MERTK: variants seen among roughly 807,000 people sequenced by gnomAD.
MERTK encodes tyrosine-protein kinase Mer.
MERTK carries 69 observed loss-of-function variants against 99.3 expected under a neutral mutation model. The ratio of observed to expected loss-of-function variants is 0.70; its 90% CI spans 0.57 to 0.85. The LOEUF is 0.85. Ranked by LOEUF, MERTK falls within the 40% of genes least tolerant of loss-of-function variation. The pLI, the probability that MERTK is intolerant of heterozygous loss-of-function variation, is 0.00. For synonymous variants in MERTK, 426 were observed against 467.6 expected, an observed-to-expected ratio of 0.91 and a Z score of 1.15; for missense variants, 1,125 against 1,249.4, an observed-to-expected ratio of 0.90 and a Z score of 1.50.
At chr2:112,025,350 G>A (rs547011305) in intron 18 of MERTK, among the ~76,000 whole-genome samples, 5 of 152,210 alleles carry the variant, frequency 3.3e-5, no homozygotes, top group Middle Eastern at 3.4e-3. Context: ...CCACCCTCGC[G>A]CTTCACACAC....
intron 1 of MERTK, among the ~76,000 whole-genome samples, chr2:111,901,421 C>G (rs536933575): frequency 6.6e-6 from 1 of 152,124 alleles, no homozygotes; most frequent in South Asian, 2.1e-4. Context: ...TTAAGTTGTT[C>G]TGTTGCTTGT....
At chr2:112,009,040 A>T (rs77978733) in intron 14 of MERTK, among the ~76,000 whole-genome samples, 177 of 152,332 alleles carry the variant, frequency 1.2e-3, no homozygotes, top group African/African-American at 3.6e-3. Context: ...TATGGAGTGG[A>T]TGCTGTGTAA....
chr2:111,933,463 G>A (rs1684709710), intron 2 of MERTK, among the ~76,000 whole-genome samples: 1 of 152,132 alleles, frequency 6.6e-6, no homozygotes, highest in South Asian at 2.1e-4. Context: ...AATCACTAGG[G>A]GCAGAGAACA....
At position 111,906,359 on chromosome 2, in the gene MERTK, G is replaced by A. The variant is rs191200945; in HGVS notation, c.61+7563G>A. 6.1e-4 allele frequency among the ~76,000 whole-genome samples: 93 copies of A among 152,324 alleles called. 1 individual carries two copies. Among genetic ancestry groups the A allele is most frequent in the African/African-American group, 2.1e-3 (88 of 41,580 alleles). On this transcript the variant is annotated intron_variant, in intron 1 of 18. Coordinates refer to ENST00000295408, the MANE Select transcript of MERTK (RefSeq NM_006343.3). ...AAAGAAAAGCCTTGTTTATTTTGGA[G>A]AAGGAATTGTTTTGTTATTTTAAGC...
chr2:111,971,006 T>C (rs1676109600), intron 6 of MERTK, among the ~76,000 whole-genome samples: 1 of 152,160 alleles, frequency 6.6e-6, no homozygotes, highest in African/African-American at 2.4e-5. Context: ...TTGGTATGAG[T>C]CTATTCAGAT....
At chr2:112,009,485 A>G (rs1183148876) in intron 14 of MERTK, among the ~76,000 whole-genome samples, 1 of 152,188 alleles carries the variant, frequency 6.6e-6, no homozygotes, top group Non-Finnish European at 1.5e-5. Context: ...TTTGCAGTGG[A>G]CTTCTTCACG....
intron 4 of MERTK, among the ~76,000 whole-genome samples, chr2:111,964,603 A>G (rs560118470): frequency 2.6e-5 from 4 of 152,236 alleles, no homozygotes; most frequent in Non-Finnish European, 4.4e-5. Context: ...TCAATTTTTT[A>G]AAGATGTCTT....
chr2:112,011,863 T>A (rs1241303703), intron 15 of MERTK, among the ~76,000 whole-genome samples: 2 of 152,292 alleles, frequency 1.3e-5, no homozygotes, highest in South Asian at 2.1e-4. Context: ...ATGACAGATG[T>A]GGTTCCTGCC....
intron 4 of MERTK, among the ~76,000 whole-genome samples, chr2:111,961,590 TA>T (rs1304549049): frequency 1.3e-5 from 2 of 152,196 alleles, no homozygotes; most frequent in East Asian, 3.8e-4. Context: ...AATACCATGT[TA>T]TTTTTGAAGA....
chr2:111,911,199 C>T (rs1453035592), intron 1 of MERTK, among the ~76,000 whole-genome samples: 5 of 152,078 alleles, frequency 3.3e-5, no homozygotes, highest in Non-Finnish European at 7.3e-5. Flanking sequence ...CTAGCAGCAG[C>T]TTACCACATA....
At chr2:111,937,953 C>A (rs1684792792) in intron 2 of MERTK, among the ~76,000 whole-genome samples, 1 of 152,098 alleles carries the variant, frequency 6.6e-6, no homozygotes, top group African/African-American at 2.4e-5. Flanking sequence ...CCCATTTCAA[C>A]CCATTTTGAG....
chr2:111,992,532 C>T (rs1435167009), intron 8 of MERTK, among the ~76,000 whole-genome samples: 4 of 152,044 alleles, frequency 2.6e-5, no homozygotes, highest in Admixed American at 6.5e-5. Context: ...GCAGGTGGAT[C>T]GCCAGGTCAA....
intron 18 of MERTK, among the ~76,000 whole-genome samples, chr2:112,027,178 C>T (rs192819291): frequency 0.016 from 2,394 of 147,940 alleles, 37 homozygotes; most frequent in Middle Eastern, 0.042. Context: ...TATATATATA[C>T]ACACACACAC....
chr2:111,987,166 C>T (rs1329476336), intron 8 of MERTK, among the ~76,000 whole-genome samples: 1 of 152,180 alleles, frequency 6.6e-6, no homozygotes, highest in African/African-American at 2.4e-5. Flanking sequence ...CTCATTATAA[C>T]TGTAATTAAG....
At chr2:111,952,304 A>G (rs1014308527) in intron 4 of MERTK, 1 of 156,298 alleles carries the variant, frequency 6.4e-6, no homozygotes, top group South Asian at 2.0e-4. Context: ...CATTGGAATT[A>G]CATGATGATC....
intron 8 of MERTK, among the ~76,000 whole-genome samples, chr2:111,993,867 A>G (rs1676680784): frequency 1.3e-5 from 2 of 152,158 alleles, no homozygotes; most frequent in South Asian, 4.1e-4. Flanking sequence ...TGGCAGGTGG[A>G]CAATGTCAAG....
chr2:111,937,425 G>A (rs907757277), intron 2 of MERTK, among the ~76,000 whole-genome samples: 17 of 152,100 alleles, frequency 1.1e-4, no homozygotes, highest in African/African-American at 3.6e-4. Context: ...CCTGGGCAAC[G>A]GAACAACACT....
At position 111,922,000 on chromosome 2, in the gene MERTK, C is replaced by G. The variant is rs1364904075; in HGVS notation, c.62-7120C>G. Among the ~76,000 whole-genome samples the G allele has an allele frequency of 2.0e-5, 3 of 152,308 alleles. No individual in the cohort carries two copies. The East Asian group carries it at 5.8e-4, about 29-fold the overall frequency. ...TGGGTCCCACAGGCTGGCACTCACT[C>G]CTGCCATTACTGTAACTCTGGTAGA... On this transcript the variant is annotated intron_variant, in intron 1 of 18. Coordinates refer to ENST00000295408, the MANE Select transcript of MERTK (RefSeq NM_006343.3).
intron 10 of MERTK, among the ~76,000 whole-genome samples, chr2:112,000,257 A>C (rs1352131834): frequency 6.6e-6 from 1 of 152,184 alleles, no homozygotes; most frequent in Admixed American, 6.5e-5. Flanking sequence ...AATTAGTACA[A>C]TACATTTGTT....
Sources: gnomAD v4.1 joint callset for allele counts (sites outside exome capture counted in the v4.1 genomes callset) on GRCh38, gnomAD v4.1.1 for gene constraint, MANE v1.5 for transcripts, NCBI Gene and HGNC (gene_info 2026-07-23, HGNC 2026-07-21) for gene names.